Variants in FAM110B observed in about 807,000 individuals in gnomAD.
The protein encoded by FAM110B is protein FAM110B.
FAM110B carries 6 observed loss-of-function variants against 20.4 expected under a neutral mutation model. That is an observed-to-expected ratio of 0.29 (90% confidence interval 0.16 to 0.58). The LOEUF (loss-of-function observed/expected upper bound fraction) is 0.58, where lower values mean the gene tolerates loss of function less well. Among genes scored for constraint, FAM110B ranks in the 20% least tolerant of loss-of-function variants. The pLI is 0.90. For missense variants in FAM110B, 434 were observed against 498.2 expected (o/e 0.87, Z 1.23); for synonymous variants, 226 against 214.1 (o/e 1.06, Z -0.49).
At chr8:58,081,704 C>T (rs17175390) in intron 3 of FAM110B, among the ~76,000 whole-genome samples, 13,845 of 152,214 alleles carry the variant, frequency 0.091, 854 homozygotes, top group Middle Eastern at 0.15. Context: ...GCGTCTTGCC[C>T]GAAATCCCCT....
At chr8:58,074,076 G>A (rs1805970998) in intron 2 of FAM110B, among the ~76,000 whole-genome samples, 2 of 152,122 alleles carry the variant, frequency 1.3e-5, no homozygotes, top group African/African-American at 4.8e-5. Flanking sequence ...CCTGTAAAAT[G>A]CGCAGGCTTT....
intron 1 of FAM110B, among the ~76,000 whole-genome samples, chr8:58,015,675 G>A (rs1218359988): frequency 4.0e-5 from 6 of 151,478 alleles, no homozygotes; most frequent in East Asian, 3.9e-4. Flanking sequence ...ATGAAACCCC[G>A]TCTCTACTAA....
intron 2 of FAM110B, among the ~76,000 whole-genome samples, chr8:58,035,832 C>T (rs748450626): frequency 5.9e-5 from 9 of 152,194 alleles, no homozygotes; most frequent in East Asian, 1.9e-4. Context: ...TTTAGGATGC[C>T]GATGGGCTGG....
chr8:58,087,809 T>C (rs1449927604), intron 3 of FAM110B, among the ~76,000 whole-genome samples: 1 of 152,202 alleles, frequency 6.6e-6, no homozygotes, highest in Non-Finnish European at 1.5e-5. Context: ...GAAAATACTT[T>C]GAAGATTACT....
chr8:58,142,767 T>C (rs1304967627), intron 3 of FAM110B, among the ~76,000 whole-genome samples: 1 of 152,254 alleles, frequency 6.6e-6, no homozygotes, highest in Non-Finnish European at 1.5e-5. Context: ...ACCCTCAGGC[T>C]GTGTTCTCTG....
At chr8:58,088,488 A>G (rs1487572687) in intron 3 of FAM110B, among the ~76,000 whole-genome samples, 5 of 152,238 alleles carry the variant, frequency 3.3e-5, no homozygotes, top group Admixed American at 6.5e-5. Context: ...CATTCTTGGA[A>G]GAGATTTGAG....
In FAM110B at chr8:58,147,206, A is replaced by G. The variant is rs766436809; in HGVS notation, c.976A>G (p.Ser326Gly). 2.5e-6 allele frequency: 4 copies of G among 1,614,120 alleles called. No individual in the cohort carries two copies. The Middle Eastern group carries it at 6.6e-4, about 266-fold the overall frequency. Residue 326 changes from serine to glycine, a missense_variant, in exon 4 of 4, where the codon AGT becomes GGT. This residue lies in a region of FAM110B where 94 missense variants were observed against 137.8 expected (regional missense o/e 0.68). Transcript: ENST00000519262. ...CTGTGAACAGTCTCAGGACAGTAAC[A>G]GTGACCTTAGAAATGATGACAGTGC... ...SDCEQSQDSN[S>G]DLRNDDSAND...
intron 1 of FAM110B, among the ~76,000 whole-genome samples, chr8:58,017,312 AG>A (rs1240404943): frequency 6.6e-6 from 1 of 152,230 alleles, no homozygotes; most frequent in African/African-American, 2.4e-5. Flanking sequence ...GACTTGCCCA[AG>A]GTGATGTGGC....
At chr8:58,039,824 A>G (rs1805171429) in intron 2 of FAM110B, among the ~76,000 whole-genome samples, 1 of 152,184 alleles carries the variant, frequency 6.6e-6, no homozygotes, top group African/African-American at 2.4e-5. Context: ...TGATGTGATC[A>G]TAGCTCACAG....
intron 3 of FAM110B, among the ~76,000 whole-genome samples, chr8:58,132,854 T>A (rs1803510297): frequency 6.6e-6 from 1 of 152,212 alleles, no homozygotes; most frequent in African/African-American, 2.4e-5. Context: ...CATTTCTAAC[T>A]CAACAACAAG....
intron 1 of FAM110B, among the ~76,000 whole-genome samples, chr8:58,010,564 C>G (rs1585808521): frequency 2.6e-5 from 4 of 152,238 alleles, no homozygotes; most frequent in African/African-American, 9.6e-5. Context: ...TGGCACTGTG[C>G]TAGGTGCTGG....
chr8:58,140,849 T>C lies in FAM110B; in HGVS notation c.-324-5058T>C, dbSNP rs1318316619. ...TTACCCTTCCTTTACCTTCAAGTCC[T>C]TTGCCACAGTCCTGCCAAATTTATT... On this transcript the variant is annotated intron_variant, in intron 3 of 3. Coordinates refer to ENST00000519262, the MANE Select transcript of FAM110B (RefSeq NM_001377989.1). Among the ~76,000 whole-genome samples the C allele has an allele frequency of 5.9e-5, 9 of 152,350 alleles. No homozygotes were observed. The East Asian group carries it at 1.7e-3, about 29-fold the overall frequency.
chr8:58,147,622 A>G lies in FAM110B; in HGVS notation c.*279A>G. 3 of 423,892 alleles carry G rather than the reference A, an allele frequency of 7.1e-6. No individual in the cohort carries two copies. The highest frequency in any genetic ancestry group is 1.3e-5 in the Non-Finnish European group (3 of 226,964). The allele number at this position is 423,892 out of a possible 1,614,324, so 26.3% of individuals were successfully genotyped here. A position where few individuals can be genotyped will look rare whatever the true frequency, so the allele number is the denominator to read the frequency against. ...ACTGTTTACATGAAAATGGTATACA[A>G]CTTCTTCGATATTTATGTGGTTCTT... On this transcript the variant is annotated 3_prime_UTR_variant, in exon 4 of 4. Transcript: ENST00000519262.
chr8:58,064,389 A>C (rs1266976545), intron 2 of FAM110B, among the ~76,000 whole-genome samples: 1 of 146,136 alleles, frequency 6.8e-6, no homozygotes, highest in Admixed American at 6.7e-5. Context: ...GGGTAAATGT[A>C]TACACTTTTT....
chr8:58,025,192 G>C (rs1036672476), intron 1 of FAM110B, among the ~76,000 whole-genome samples: 6 of 152,128 alleles, frequency 3.9e-5, no homozygotes, highest in Non-Finnish European at 8.8e-5. Flanking sequence ...AAATGTTTTT[G>C]TGGAGATGAG....
At chr8:58,095,206 TG>T (rs1806592542) in intron 3 of FAM110B, among the ~76,000 whole-genome samples, 1 of 152,204 alleles carries the variant, frequency 6.6e-6, no homozygotes, top group Non-Finnish European at 1.5e-5. Flanking sequence ...CTGGATTTAC[TG>T]ATTTTTTTGG....
chr8:58,015,972 T>A (rs776290869), intron 1 of FAM110B, among the ~76,000 whole-genome samples: 10 of 152,246 alleles, frequency 6.6e-5, no homozygotes, highest in Non-Finnish European at 1.3e-4. Context: ...ATTTAACTAT[T>A]CCTAACTGTA....
intron 2 of FAM110B, among the ~76,000 whole-genome samples, chr8:58,072,180 T>C (rs1016919740): frequency 1.3e-5 from 2 of 152,216 alleles, no homozygotes; most frequent in Non-Finnish European, 2.9e-5. Flanking sequence ...GCCTTAGTCT[T>C]AAATAATTTC....
At chr8:58,118,856 G>C (rs1807284598) in intron 3 of FAM110B, among the ~76,000 whole-genome samples, 1 of 152,158 alleles carries the variant, frequency 6.6e-6, no homozygotes, top group South Asian at 2.1e-4. Context: ...ATAATGATAA[G>C]TTTAAAAAGC....
Sources: allele counts gnomAD v4.1 joint callset (sites outside exome capture counted in the v4.1 genomes callset), GRCh38; gene constraint gnomAD v4.1.1; regional missense constraint gnomAD v4.1.1; transcripts MANE v1.5; gene names NCBI Gene and HGNC (gene_info 2026-07-23, HGNC 2026-07-21).